PXDNL: variants seen among roughly 807,000 people sequenced by gnomAD.
The protein encoded by PXDNL is probable oxidoreductase PXDNL.
PXDNL carries 145 observed loss-of-function variants against 150.8 expected under a neutral mutation model. The observed-to-expected ratio is 0.96, with a 90% CI of 0.84 to 1.10. PXDNL has a LOEUF of 1.10. Among genes scored for constraint, PXDNL ranks in the 50% least tolerant of loss-of-function variants. The pLI is 0.00. For synonymous variants in PXDNL, 757 were observed against 725.7 expected, an observed-to-expected ratio of 1.04 and a Z score of -0.69; for missense variants, 2,087 against 1,873.9, an observed-to-expected ratio of 1.11 and a Z score of -2.10.
intron 2 of PXDNL, among the ~76,000 whole-genome samples, chr8:51,635,230 G>A (rs1407812504): frequency 6.6e-6 from 1 of 152,104 alleles, no homozygotes; most frequent in African/African-American, 2.4e-5. Flanking sequence ...AGTGAAAGCA[G>A]TGCTGAGAGA....
chr8:51,675,869 A>G (rs1208578238), intron 1 of PXDNL, among the ~76,000 whole-genome samples: 1 of 151,578 alleles, frequency 6.6e-6, no homozygotes, highest in Non-Finnish European at 1.5e-5. Flanking sequence ...CCCTTCGATG[A>G]TTTTCCTGCT....
At chr8:51,590,170 G>A (rs930627161) in intron 3 of PXDNL, among the ~76,000 whole-genome samples, 4 of 152,130 alleles carry the variant, frequency 2.6e-5, no homozygotes, top group African/African-American at 7.2e-5. Context: ...CAGTGTGCAT[G>A]CAGTAAGCCT....
intron 1 of PXDNL, among the ~76,000 whole-genome samples, chr8:51,756,663 G>GTATC (rs1269519093): frequency 6.6e-6 from 1 of 151,806 alleles, no homozygotes; most frequent in African/African-American, 2.4e-5. Context: ...TACTTTAGAT[G>GTATC]TATCACATGA....
intron 2 of PXDNL, among the ~76,000 whole-genome samples, chr8:51,606,749 G>A (rs1327183841): frequency 1.3e-5 from 2 of 151,520 alleles, no homozygotes; most frequent in Non-Finnish European, 1.5e-5. Flanking sequence ...TCATTCTAAT[G>A]TATAACCAAT....
At chr8:51,557,629 A>G (rs142499821) in intron 3 of PXDNL, among the ~76,000 whole-genome samples, 8 of 152,244 alleles carry the variant, frequency 5.3e-5, no homozygotes, top group South Asian at 2.1e-4. Flanking sequence ...CCTTCTATCA[A>G]GTGTCTTCGG....
intron 13 of PXDNL, among the ~76,000 whole-genome samples, chr8:51,425,067 T>C (rs1809054680): frequency 6.6e-6 from 1 of 152,186 alleles, no homozygotes; most frequent in Non-Finnish European, 1.5e-5. Context: ...CTGCCTCAGG[T>C]TGGGCCACTT....
intron 17 of PXDNL, among the ~76,000 whole-genome samples, chr8:51,377,709 C>G (rs1807375254): frequency 6.6e-6 from 1 of 152,182 alleles, no homozygotes; most frequent in African/African-American, 2.4e-5. Context: ...TTCTGGCTGG[C>G]CAGCGCTGCG....
At chr8:51,448,792 A>G (rs532891231) in intron 11 of PXDNL, among the ~76,000 whole-genome samples, 93 of 152,300 alleles carry the variant, frequency 6.1e-4, no homozygotes, top group African/African-American at 2.2e-3. Context: ...CCCAGAGGGG[A>G]TGATCTCAGG....
At chr8:51,414,408 A>G (rs1330549029) in intron 14 of PXDNL, among the ~76,000 whole-genome samples, 1 of 151,938 alleles carries the variant, frequency 6.6e-6, no homozygotes, top group Non-Finnish European at 1.5e-5. Context: ...GAAAAAAAAT[A>G]CCAATGGTAT....
chr8:51,576,274 G>C (rs186393180), intron 3 of PXDNL, among the ~76,000 whole-genome samples: 4 of 146,762 alleles, frequency 2.7e-5, no homozygotes, highest in Admixed American at 2.7e-4. Context: ...TATCAAGATA[G>C]ATCATGTCCT....
chr8:51,442,803 C>A (rs16916288), intron 12 of PXDNL, among the ~76,000 whole-genome samples: 1 of 151,804 alleles, frequency 6.6e-6, no homozygotes, highest in African/African-American at 2.4e-5. Context: ...CGTGTGGATA[C>A]GCAAGGGCTT....
intron 4 of PXDNL, among the ~76,000 whole-genome samples, chr8:51,532,533 T>C (rs528421893): frequency 1.3e-5 from 2 of 152,364 alleles, no homozygotes; most frequent in African/African-American, 4.8e-5. Context: ...GCTATTTCAG[T>C]AGAACTGAGA....
chr8:51,442,202 A>C (rs189765152), intron 12 of PXDNL, among the ~76,000 whole-genome samples: 10 of 151,716 alleles, frequency 6.6e-5, no homozygotes, highest in Admixed American at 4.6e-4. Context: ...ATTCCCAGAT[A>C]AAATGGAACA....
chr8:51,390,735 TC>T (rs1208559262), intron 17 of PXDNL, among the ~76,000 whole-genome samples: 1 of 151,828 alleles, frequency 6.6e-6, no homozygotes, highest in Non-Finnish European at 1.5e-5. Context: ...GCACAGATTT[TC>T]TTTTTTTTTT....
intron 10 of PXDNL, among the ~76,000 whole-genome samples, chr8:51,452,880 T>C (rs1203478026): frequency 1.3e-5 from 2 of 148,926 alleles, no homozygotes; most frequent in Admixed American, 6.7e-5. Context: ...ACTCTAACCC[T>C]ACAGGAAGAT....
At chr8:51,486,569 T>C (rs991557894) in intron 5 of PXDNL, among the ~76,000 whole-genome samples, 4 of 151,690 alleles carry the variant, frequency 2.6e-5, no homozygotes, top group African/African-American at 4.8e-5. Flanking sequence ...CAGTACTGAT[T>C]TGCATGGGGT....
rs546941853 is a variant in PXDNL, at chr8:51,672,805, A to G, written c.165-18045T>C. 2.8e-4 allele frequency among the ~76,000 whole-genome samples: 42 copies of G among 152,270 alleles called. 1 individual carries two copies. The South Asian group carries it at 8.5e-3, about 31-fold the overall frequency. ...AAAATAATTAGTTCTGTGGAAAGCT[A>G]GTATTAGCCAGTATTAGTCAATGAA... On this transcript the variant is annotated intron_variant, in intron 1 of 22. Coordinates refer to ENST00000356297, the MANE Select transcript of PXDNL (RefSeq NM_144651.5).
chr8:51,626,648 A>C (rs1379290389), intron 2 of PXDNL, among the ~76,000 whole-genome samples: 1 of 152,204 alleles, frequency 6.6e-6, no homozygotes, highest in Non-Finnish European at 1.5e-5. Context: ...GCAACCATTC[A>C]AGAGTAGACC....
In PXDNL at chr8:51,761,025, A is replaced by ATTTT. The variant is rs71237238; in HGVS notation, c.164+48152_164+48155dup. On this transcript the variant is annotated intron_variant, in intron 1 of 22. Transcript: ENST00000356297. ...AGGCGCCCGCCACAACGCCCGGCTAATTTTTTTTTTTTTTTTTTTTTGTAT... is the reference window on the plus strand; with the variant it reads ...AGGCGCCCGCCACAACGCCCGGCTAATTTTTTTTTTTTTTTTTTTTTTTTTGTAT... Among the ~76,000 whole-genome samples the ATTTT allele has an allele frequency of 6.6e-4, 76 of 114,458 alleles. 1 individual carries two copies. The highest frequency in any genetic ancestry group is 1.0e-3 in the Non-Finnish European group (60 of 57,708). 75.1% of individuals were successfully genotyped at this position (114,458 alleles called of 152,430 possible).
Sources: allele counts gnomAD v4.1 joint callset (sites outside exome capture counted in the v4.1 genomes callset), GRCh38; gene constraint gnomAD v4.1.1; transcripts MANE v1.5; gene names NCBI Gene and HGNC (gene_info 2026-07-23, HGNC 2026-07-21).